PPFIA3: variants seen among roughly 807,000 people sequenced by gnomAD.
PPFIA3 encodes liprin-alpha-3.
A neutral mutation model predicts 145.8 loss-of-function variants in PPFIA3; 26 were observed. The ratio of observed to expected loss-of-function variants is 0.18; its 90% confidence interval spans 0.13 to 0.25. PPFIA3 has a LOEUF of 0.25. PPFIA3 is among the 10% of genes least tolerant of loss of function. The probability of loss-of-function intolerance (pLI) is 1.00; values close to 1 mark genes in which losing one functional copy is unlikely to be tolerated. For missense variants in PPFIA3, 1,008 were observed against 1,587.8 expected (o/e 0.63, Z 6.21); for synonymous variants, 645 against 661.4 (o/e 0.98, Z 0.38).
chr19:49,125,024 G>A (rs1432951691), intron 1 of PPFIA3, among the ~76,000 whole-genome samples: 1 of 152,054 alleles, frequency 6.6e-6, no homozygotes, highest in African/African-American at 2.4e-5. Context: ...CCGAGATCAC[G>A]CCAGCGCACT....
chr19:49,136,653 C>G (rs1215040127), intron 14 of PPFIA3, 71 bp from the exon 15 acceptor site: 8 of 1,106,392 alleles, frequency 7.2e-6, no homozygotes, highest in Admixed American at 3.5e-5. Flanking sequence ...AAGTCAGGAT[C>G]ATGAGCCAAG....
Position 49,149,487 on chromosome 19 carries a change from G to A in PPFIA3, c.3355-60G>A, listed in dbSNP as rs1055460542. The A allele has an allele frequency of 1.1e-4, 177 of 1,605,920 alleles. No individual in the cohort carries two copies. The highest frequency in any genetic ancestry group is 1.4e-4 in the Non-Finnish European group (170 of 1,173,924). On this transcript the variant is annotated intron_variant, in intron 27 of 29. Coordinates refer to ENST00000334186, the MANE Select transcript of PPFIA3 (RefSeq NM_003660.4). The surrounding 1 kb of genome is among the most constrained non-coding windows in gnomAD (Gnocchi z 5.7). ...GACCCGGAGAGGGGTGGAGTCAAAG[G>A]AAGGGGCGGAGTCAGACAAGGCAGG...
chr19:49,120,748 G>A lies in PPFIA3; in HGVS notation c.-16+1026G>A, dbSNP rs1023052875. ...ACTTCTGTTCACACTCCCACTTGGG[G>A]ACCTAAATGTCTTGGTCCCAGTCTC... is the stretch of plus-strand genomic sequence containing the variant. On this transcript the variant is annotated intron_variant, in intron 1 of 29. Transcript: ENST00000334186. This position sits in a 1 kb window ranked among gnomAD's most constrained non-coding sequence, Gnocchi z 4.6. 2.0e-5 allele frequency among the ~76,000 whole-genome samples: 3 copies of A among 152,140 alleles called. No individual in the cohort carries two copies. Among genetic ancestry groups the A allele is most frequent in the African/African-American group, 7.2e-5 (3 of 41,424 alleles).
chr19:49,131,404 C>G (rs1364528869), intron 7 of PPFIA3, among the ~76,000 whole-genome samples: 1 of 146,172 alleles, frequency 6.8e-6, no homozygotes. Context: ...AGGCTGGTCT[C>G]GAACTCCTGA....
chr19:49,134,785 C>T (rs768368583), intron 12 of PPFIA3, 51 bp from the exon 13 acceptor site: 3 of 1,609,148 alleles, frequency 1.9e-6, no homozygotes, highest in African/African-American at 1.3e-5. Context: ...AGGGGCTGTT[C>T]CTCCTGGGCG....
intron 7 of PPFIA3, among the ~76,000 whole-genome samples, chr19:49,131,249 A>G (rs1234129452): frequency 7.0e-6 from 1 of 142,762 alleles, no homozygotes; most frequent in Non-Finnish European, 1.5e-5. Flanking sequence ...GCTCACTGCA[A>G]CCTCTGCCTC....
intron 7 of PPFIA3, among the ~76,000 whole-genome samples, chr19:49,132,257 C>T (rs1165395129): frequency 6.6e-6 from 1 of 151,302 alleles, no homozygotes; most frequent in Non-Finnish European, 1.5e-5. Flanking sequence ...GGCATGGCAG[C>T]GGGTGCCTGT....
intron 1 of PPFIA3, among the ~76,000 whole-genome samples, chr19:49,122,711 G>GTTTT (rs1568432311): frequency 8.6e-6 from 1 of 116,956 alleles, no homozygotes. Flanking sequence ...TTGTTGTTTA[G>GTTTT]TTGTTTTTTT....
chr19:49,132,640 G>A (rs1045679715), intron 7 of PPFIA3, among the ~76,000 whole-genome samples: 1 of 152,044 alleles, frequency 6.6e-6, no homozygotes, highest in Non-Finnish European at 1.5e-5. Flanking sequence ...TGAGACCCCA[G>A]GACACTTGCT....
At chr19:49,141,579 T>TGTAC in intron 19 of PPFIA3, 66 bp downstream of exon 19, 1 of 1,081,450 alleles carries the variant, frequency 9.2e-7, no homozygotes, top group Admixed American at 2.3e-5. Context: ...AGGGTGTGTG[T>TGTAC]GTGCGTGTAT....
intron 16 of PPFIA3, 114 bp from the exon 17 acceptor site, chr19:49,139,554 C>A: frequency 7.6e-6 from 7 of 925,436 alleles, no homozygotes; most frequent in Non-Finnish European, 9.1e-6. Context: ...CCTTCGTATA[C>A]TGTGTTCTAA....
At chr19:49,144,953 T>G (rs1256525806) in intron 21 of PPFIA3, among the ~76,000 whole-genome samples, 1 of 148,158 alleles carries the variant, frequency 6.7e-6, no homozygotes, top group Non-Finnish European at 1.5e-5. Context: ...TTTTTTGAGA[T>G]GGAGTTTCAC....
chr19:49,149,594 C>T lies in PPFIA3; in HGVS notation c.3402C>T (p.Phe1134=), dbSNP rs376516941. The T allele has an allele frequency of 6.8e-6, 11 of 1,614,098 alleles. No individual in the cohort carries two copies. The highest frequency in any genetic ancestry group is 5.3e-5 in the African/African-American group (4 of 74,932). The stretch of plus-strand genomic sequence containing the variant: ...GCTCCCCATCCTGGCGGAAGATGTT[C>T]CGGGAGAAGGACCTCCGAGGCGTAA... ...FSRSPSWRKM[F]REKDLRGVTP... Residue 1134 remains phenylalanine (F), a synonymous_variant, in exon 28 of 30, where the codon TTC becomes TTT. Coordinates refer to ENST00000334186, the MANE Select transcript of PPFIA3 (RefSeq NM_003660.4). This position sits in a 1 kb window ranked among gnomAD's most constrained non-coding sequence, Gnocchi z 5.7.
intron 4 of PPFIA3, 139 bp downstream of exon 4, chr19:49,129,151 G>A (rs778708153): frequency 1.7e-4 from 184 of 1,068,188 alleles, no homozygotes; most frequent in Non-Finnish European, 2.2e-4. Flanking sequence ...GATTGGGACA[G>A]GATACATAGA....
At position 49,133,181 on chromosome 19, in the gene PPFIA3, G is replaced by A. The variant is rs769860160; in HGVS notation, c.1026+34G>A. On this transcript the variant is annotated intron_variant, in intron 8 of 29. Transcript: ENST00000334186. This position sits in a 1 kb window ranked among gnomAD's most constrained non-coding sequence, Gnocchi z 7.2. ...GCGGCCGGGAGGGGCGATGGGGGCG[G>A]TGCCGGGGCCCAAGTGACCCAGCCC... The A allele has an allele frequency of 1.8e-5, 28 of 1,584,452 alleles. No individual in the cohort carries two copies. The East Asian group carries it at 5.8e-4, about 33-fold the overall frequency.
At chr19:49,127,798 C>T in intron 1 of PPFIA3, 61 bp from the exon 2 acceptor site, 2 of 1,559,848 alleles carry the variant, frequency 1.3e-6, no homozygotes, top group Non-Finnish European at 8.6e-7. Flanking sequence ...GTGGCTGTGC[C>T]TCAGTTTCTC....
At position 49,135,467 on chromosome 19, in the gene PPFIA3, G is replaced by A. The variant is rs368293884; in HGVS notation, c.1521-312G>A. 5.3e-5 allele frequency among the ~76,000 whole-genome samples: 8 copies of A among 152,034 alleles called. No homozygotes were observed. In the South Asian group the frequency reaches 6.2e-4, roughly 12 times the overall value. ...AGCTCACTGCAACCTCCGCCTCCCCGGTTCAAGTGATTCTCCTGCCTCAGC... is the reference window on the plus strand; with the variant it reads ...AGCTCACTGCAACCTCCGCCTCCCCAGTTCAAGTGATTCTCCTGCCTCAGC... On this transcript the variant is annotated intron_variant, in intron 13 of 29. Coordinates refer to ENST00000334186, the MANE Select transcript of PPFIA3 (RefSeq NM_003660.4).
rs750036330 is a variant in PPFIA3, at chr19:49,146,209, G to A, written c.2835+17G>A. The A allele has an allele frequency of 1.5e-5, 25 of 1,613,018 alleles. No homozygotes were observed. Among genetic ancestry groups the A allele is most frequent in the Non-Finnish European group, 1.9e-5 (23 of 1,179,588 alleles). The stretch of plus-strand genomic sequence containing the variant: ...TGGGAGCAGGTAGGGGGCGCGGGGC[G>A]GGGCGTGAGCGCATGAACAGGCTGT... On this transcript the variant is annotated intron_variant, in intron 23 of 29. Transcript: ENST00000334186.
At position 49,137,628 on chromosome 19, in the gene PPFIA3, CAAAAAAAAAAA is replaced by C. The variant is rs3032695; in HGVS notation, c.1854-557_1854-547del. Reference sequence around the variant, plus strand: ...TGGGCTACAGAGCGAGACTCCGTGTCAAAAAAAAAAAAAAAAAAAAAAAAAAAAAAGTCCCC... The same window carrying C: ...TGGGCTACAGAGCGAGACTCCGTGTCAAAAAAAAAAAAAAAAAAAGTCCCC... On this transcript the variant is annotated intron_variant, in intron 15 of 29. Transcript: ENST00000334186. Among the ~76,000 whole-genome samples, 46 of 43,784 alleles carry C rather than the reference CAAAAAAAAAAA, an allele frequency of 1.1e-3. 1 individual carries two copies. The highest frequency in any genetic ancestry group is 1.2e-3 in the Non-Finnish European group (29 of 24,152). 28.7% of individuals were successfully genotyped at this position (43,784 alleles called of 152,430 possible).
Sources: allele counts gnomAD v4.1 joint callset (sites outside exome capture counted in the v4.1 genomes callset), GRCh38; gene constraint gnomAD v4.1.1; non-coding constraint Gnocchi (gnomAD v3.1); transcripts MANE v1.5; gene names NCBI Gene and HGNC (gene_info 2026-07-23, HGNC 2026-07-21).